The following CD163L1 variants were observed in gnomAD, a reference collection of about 807,000 sequenced individuals.
CD163L1 encodes the protein CD163 molecule like 1, also known as scavenger receptor cysteine-rich type 1 protein M160.
Under a neutral mutation model 165.4 loss-of-function variants are expected in CD163L1, and 124 were observed. That is an observed-to-expected ratio of 0.75 (90% CI 0.65 to 0.87). CD163L1 has a LOEUF of 0.87. Ranked by LOEUF, CD163L1 falls within the 40% of genes least tolerant of loss-of-function variation. The pLI, the probability that CD163L1 is intolerant of heterozygous loss-of-function variation, is 0.00. For synonymous variants in CD163L1, 585 were observed against 662.2 expected (o/e 0.88, Z 1.79); for missense variants, 1,525 against 1,799.9 (o/e 0.85, Z 2.76).
chr12:7,367,280 T>C lies in CD163L1; in HGVS notation c.4235A>G (p.Glu1412Gly), dbSNP rs1289305908. Residue 1412 changes from glutamate to glycine, a missense_variant, in exon 18 of 20, where the codon GAG becomes GGG. Physicochemically the swap from Glu to Gly is moderately conservative, Grantham distance 98 (BLOSUM62 -2). Coordinates refer to ENST00000313599, the MANE Select transcript of CD163L1 (RefSeq NM_174941.6). ...TGGGTCCTCTCTCTTGAGGCAGGTCTCCATCTCATGGAATAAATTCTCCTC... is the reference window on the plus strand; with the variant it reads ...TGGGTCCTCTCTCTTGAGGCAGGTCCCCATCTCATGGAATAAATTCTCCTC... Reference protein sequence around the residue: ...SLEENLFHEMETCLKREDPHG... With the variant: ...SLEENLFHEMGTCLKREDPHG... 9.9e-6 allele frequency: 16 copies of C among 1,613,452 alleles called. No homozygotes were observed. The highest frequency in any genetic ancestry group is 1.3e-5 in the Non-Finnish European group (15 of 1,179,598).
In CD163L1 at chr12:7,391,420, T is replaced by C. The variant is rs11053596; in HGVS notation, c.2050+4675A>G. On this transcript the variant is annotated intron_variant, in intron 8 of 19. Coordinates refer to ENST00000313599, the MANE Select transcript of CD163L1 (RefSeq NM_174941.6). ...CAGAAGGTCTGTAATAACAAACTTCTCCGAGCTAAAGGGGCATGTTCTAAC... is the reference window on the plus strand; with the variant it reads ...CAGAAGGTCTGTAATAACAAACTTCCCCGAGCTAAAGGGGCATGTTCTAAC... Among the ~76,000 whole-genome samples, 1,472 of 152,128 alleles carry C rather than the reference T, an allele frequency of 9.7e-3. 27 individuals carry two copies. Among genetic ancestry groups the C allele is most frequent in the African/African-American group, 0.033 (1,365 of 41,512 alleles).
chr12:7,363,527 C>T (rs1245828463), intron 18 of CD163L1, among the ~76,000 whole-genome samples: 3 of 151,628 alleles, frequency 2.0e-5, no homozygotes, highest in Non-Finnish European at 2.9e-5. Context: ...ATTGATAAAC[C>T]TTTAGCTGGA....
intron 7 of CD163L1, among the ~76,000 whole-genome samples, chr12:7,397,590 G>T (rs4075106): frequency 6.6e-6 from 1 of 152,006 alleles, no homozygotes; most frequent in Non-Finnish European, 1.5e-5. Context: ...CCACCTCTGT[G>T]TGAGAATATT....
downstream of CD163L1, among the ~76,000 whole-genome samples, chr12:7,350,638 A>G (rs928047947): frequency 4.6e-5 from 7 of 152,268 alleles, no homozygotes; most frequent in Admixed American, 2.0e-4. Flanking sequence ...TTCCTGGGAG[A>G]TAACAATCAG....
In CD163L1 at chr12:7,375,587, CT is replaced by C; in HGVS notation, c.2694del (p.Asp899MetfsTer5). 3 of 1,612,320 alleles carry C rather than the reference CT, an allele frequency of 1.9e-6. No homozygotes were observed. The highest frequency in any genetic ancestry group is 2.5e-6 in the Non-Finnish European group (3 of 1,179,976). ...REVGVVCSRY[T>X]DVRLVNGKSQ... is the part of the protein sequence containing the mutation. ...GATTTGCCATTCACAAGTCGGACAT[CT>C]GTATATCCTAGGAGGAGACAAGGCC... On this transcript the variant is annotated frameshift_variant, in exon 11 of 20. Transcript: ENST00000313599. LOFTEE classifies it high-confidence loss of function.
the CD163L1 span, among the ~76,000 whole-genome samples, chr12:7,327,409 A>G: frequency 6.6e-6 from 1 of 152,214 alleles, no homozygotes; most frequent in African/African-American, 2.4e-5. Flanking sequence ...TTTTAGGGAC[A>G]GTGCTTGATT....
At chr12:7,361,031 C>T (rs1946880128) in intron 18 of CD163L1, among the ~76,000 whole-genome samples, 1 of 152,062 alleles carries the variant, frequency 6.6e-6, no homozygotes, top group African/African-American at 2.4e-5. Context: ...ATTGCAAGTT[C>T]TGTCTTACCA....
intron 8 of CD163L1, among the ~76,000 whole-genome samples, chr12:7,395,795 T>C (rs1947760985): frequency 6.6e-6 from 1 of 152,166 alleles, no homozygotes; most frequent in South Asian, 2.1e-4. Flanking sequence ...TCTCATTATT[T>C]TTTCCTAAAC....
At chr12:7,327,007 C>A in the CD163L1 span, 1 of 1,612,200 alleles carries the variant, frequency 6.2e-7, no homozygotes, top group South Asian at 1.1e-5. Flanking sequence ...TTAGCTGCAC[C>A]CTTTAAGTCC....
intron 4 of CD163L1, among the ~76,000 whole-genome samples, chr12:7,407,882 A>G (rs1948062164): frequency 1.3e-5 from 2 of 151,860 alleles, no homozygotes; most frequent in South Asian, 4.2e-4. Flanking sequence ...CCAGACTCCC[A>G]TGGATATTAA....
intron 4 of CD163L1, among the ~76,000 whole-genome samples, chr12:7,416,478 C>A (rs983597338): frequency 7.2e-5 from 11 of 152,302 alleles, no homozygotes; most frequent in Admixed American, 4.6e-4. Flanking sequence ...GTGTTTTAGT[C>A]ATGAAGTCTT....
Position 7,407,664 on chromosome 12 carries a change from T to C in CD163L1, c.767-812A>G, listed in dbSNP as rs759940708. ...GGATATATATATACACACACACACA[T>C]ATATATATACACACACATATATATA... On this transcript the variant is annotated intron_variant, in intron 4 of 19. Coordinates refer to ENST00000313599, the MANE Select transcript of CD163L1 (RefSeq NM_174941.6). 1.3e-3 allele frequency among the ~76,000 whole-genome samples: 200 copies of C among 150,766 alleles called. 2 individuals carry two copies. The highest frequency in any genetic ancestry group is 4.6e-3 in the African/African-American group (188 of 40,784).
chr12:7,431,138 T>C (rs1948620387), intron 4 of CD163L1, among the ~76,000 whole-genome samples: 1 of 152,090 alleles, frequency 6.6e-6, no homozygotes, highest in Non-Finnish European at 1.5e-5. Context: ...AGCCGCATTC[T>C]TCAGCCGGGT....
intron 8 of CD163L1, among the ~76,000 whole-genome samples, chr12:7,387,859 A>G (rs1947554325): frequency 6.6e-6 from 1 of 152,220 alleles, no homozygotes; most frequent in Non-Finnish European, 1.5e-5. Flanking sequence ...GAGGCACATC[A>G]TACTATCTAC....
At chr12:7,357,332 G>A (rs1156683920) in intron 19 of CD163L1, 48 bp downstream of exon 19, 1 of 1,206,308 alleles carries the variant, frequency 8.3e-7, no homozygotes. Flanking sequence ...CTGCGACAGT[G>A]GGAGATTAAA....
At chr12:7,393,993 G>T (rs1160401327) in intron 8 of CD163L1, among the ~76,000 whole-genome samples, 7 of 151,870 alleles carry the variant, frequency 4.6e-5, no homozygotes, top group Non-Finnish European at 1.0e-4. Context: ...TGGCCATACT[G>T]CCCAAGGTAA....
Position 7,396,153 on chromosome 12 carries a change from G to T in CD163L1, c.1992C>A (p.Asn664Lys). 1 of 1,614,128 alleles carries T rather than the reference G, an allele frequency of 6.2e-7. No individual in the cohort carries two copies. The highest frequency in any genetic ancestry group is 8.5e-7 in the Non-Finnish European group (1 of 1,180,020). Reference sequence around the variant, plus strand: ...TGCAGTCATTATTTCCCCACCCACTGTTCCTGCATGACCAGAGATCTGACT... The same window carrying T: ...TGCAGTCATTATTTCCCCACCCACTTTTCCTGCATGACCAGAGATCTGACT... The part of the protein sequence containing the change: ...GDESDLWSCR[N>K]SGWGNNDCSH... The change falls in exon 8 of 20, where the codon AAC becomes AAA. Residue 664 changes from asparagine (N) to lysine (K), a missense_variant. Transcript: ENST00000313599.
chr12:7,440,070 CT>C, intron 2 of CD163L1: 2 of 1,085,592 alleles, frequency 1.8e-6, no homozygotes, highest in Non-Finnish European at 2.8e-6. Flanking sequence ...CTCCGCCCTA[CT>C]CCACATCAGC....
chr12:7,340,449 T>G, the CD163L1 span, among the ~76,000 whole-genome samples: 1 of 152,172 alleles, frequency 6.6e-6, no homozygotes, highest in African/African-American at 2.4e-5. Flanking sequence ...AATATATAAT[T>G]TATAGTGAGA....
Sources: allele counts gnomAD v4.1 joint callset (sites outside exome capture counted in the v4.1 genomes callset), GRCh38; gene constraint gnomAD v4.1.1; transcripts MANE v1.5; gene names NCBI Gene and HGNC (gene_info 2026-07-23, HGNC 2026-07-21).